Variants in CUTC observed in about 807,000 individuals in gnomAD.
CUTC encodes copper homeostasis protein cutC homolog.
In CUTC, 27 loss-of-function variants were observed where a neutral mutation model predicts 36.2. The ratio of observed to expected loss-of-function variants is 0.75; its 90% confidence interval spans 0.55 to 1.03. The LOEUF (loss-of-function observed/expected upper bound fraction) is 1.03. CUTC is among the 50% of genes least tolerant of loss of function. The pLI is 0.00. For synonymous variants in CUTC, 114 were observed against 118.3 expected (o/e 0.96, Z 0.24); for missense variants, 315 against 343.5 (o/e 0.92, Z 0.66).
At chr10:99,742,350 AG>A (rs1349376455) in intron 3 of CUTC, among the ~76,000 whole-genome samples, 2 of 152,134 alleles carry the variant, frequency 1.3e-5, no homozygotes, top group Non-Finnish European at 2.9e-5. Context: ...TAATGTAAAA[AG>A]TTTGTATACA....
Position 99,755,981 on chromosome 10 carries a change from TC to T in CUTC, c.*244del. On this transcript the variant is annotated 3_prime_UTR_variant, in exon 9 of 9. Transcript: ENST00000370476. ...ATGGTTAAAGCTGGTCTGTGCTTCT[TC>T]CATAGACAGAAGCTTAGTCTGTTTT... 1 of 398,280 alleles carries T rather than the reference TC, an allele frequency of 2.5e-6. No individual in the cohort carries two copies. The highest frequency in any genetic ancestry group is 4.5e-6 in the Non-Finnish European group (1 of 224,198). The allele number at this position is 398,280 out of a possible 1,614,324, so 24.7% of individuals were successfully genotyped here. A position where few individuals can be genotyped will look rare whatever the true frequency, so the allele number is the denominator to read the frequency against.
intron 1 of CUTC, 151 bp downstream of exon 1, chr10:99,732,560 G>A (rs1041499059): frequency 9.0e-6 from 13 of 1,451,096 alleles, no homozygotes; most frequent in African/African-American, 4.3e-5. Flanking sequence ...AGGCGTTAAA[G>A]GTGTGGAAAC....
chr10:99,732,698 C>A, intron 1 of CUTC: 2 of 1,213,532 alleles, frequency 1.6e-6, no homozygotes, highest in Non-Finnish European at 2.1e-6. Flanking sequence ...CACGTTTTTT[C>A]CGTCGCCACA....
At chr10:99,743,023 A>C (rs921879007) in intron 3 of CUTC, 130 bp from the exon 4 acceptor site, 5 of 763,014 alleles carry the variant, frequency 6.6e-6, no homozygotes, top group Non-Finnish European at 1.1e-5. Flanking sequence ...CTTACCTTCT[A>C]CCATATATAC....
intron 1 of CUTC, 61 bp downstream of exon 1, chr10:99,732,470 G>A (rs2037216754): frequency 3.9e-6 from 6 of 1,547,062 alleles, no homozygotes; most frequent in Non-Finnish European, 5.2e-6. Flanking sequence ...GGGCCGGCGG[G>A]AGTCGTAGTC....
At position 99,743,279 on chromosome 10, in the gene CUTC, A is replaced by G. The variant is rs2037353510; in HGVS notation, c.320A>G (p.Lys107Arg). ...ATGAAGGCTGACATTCGTCTTGCCA[A>G]GCTTTATGGTGCTGATGGTTTGGTT... ...EVMKADIRLA[K>R]LYGADGLVFG... Residue 107 changes from lysine to arginine, a missense_variant, in exon 4 of 9, where the codon AAG becomes AGG. Physicochemically the swap from Lys to Arg is conservative, Grantham distance 26. Coordinates refer to ENST00000370476, the MANE Select transcript of CUTC (RefSeq NM_015960.3). 1 of 1,614,174 alleles carries G rather than the reference A, an allele frequency of 6.2e-7. No individual in the cohort carries two copies. Among genetic ancestry groups the G allele is most frequent in the Non-Finnish European group, 8.5e-7 (1 of 1,180,026 alleles).
chr10:99,755,982 C>G lies in CUTC; in HGVS notation c.*243C>G, dbSNP rs1306478182. On this transcript the variant is annotated 3_prime_UTR_variant, in exon 9 of 9. Coordinates refer to ENST00000370476, the MANE Select transcript of CUTC (RefSeq NM_015960.3). ...TGGTTAAAGCTGGTCTGTGCTTCTTCCATAGACAGAAGCTTAGTCTGTTTT... is the reference window on the plus strand; with the variant it reads ...TGGTTAAAGCTGGTCTGTGCTTCTTGCATAGACAGAAGCTTAGTCTGTTTT... The G allele has an allele frequency of 1.3e-5, 5 of 395,286 alleles. No homozygotes were observed. The highest frequency in any genetic ancestry group is 1.0e-4 in the African/African-American group (5 of 48,590). 24.5% of individuals were successfully genotyped at this position (395,286 alleles called of 1,614,324 possible).
chr10:99,744,906 C>A (rs12411461), intron 5 of CUTC, among the ~76,000 whole-genome samples: 11 of 152,194 alleles, frequency 7.2e-5, no homozygotes, highest in African/African-American at 2.7e-4. Flanking sequence ...GCGCCTGCCA[C>A]CATGCCCAGC....
chr10:99,743,832 C>A (rs919923334), intron 4 of CUTC, among the ~76,000 whole-genome samples: 20 of 152,260 alleles, frequency 1.3e-4, no homozygotes, highest in African/African-American at 4.8e-4. Flanking sequence ...TGATAAGCCA[C>A]GACCATTTTT....
chr10:99,744,181 C>A (rs2037361735), intron 5 of CUTC, 109 bp downstream of exon 5: 4 of 842,562 alleles, frequency 4.7e-6, no homozygotes, highest in South Asian at 1.8e-5. Flanking sequence ...CCAAGGTTAC[C>A]AATTGGTTTT....
chr10:99,739,270 T>C (rs1167933586), intron 2 of CUTC, among the ~76,000 whole-genome samples: 1 of 152,198 alleles, frequency 6.6e-6, no homozygotes, highest in East Asian at 1.9e-4. Flanking sequence ...TTCAGCATTT[T>C]CTTATTCTTG....
intron 7 of CUTC, among the ~76,000 whole-genome samples, chr10:99,751,476 G>A (rs375036503): frequency 1.1e-4 from 17 of 152,200 alleles, no homozygotes; most frequent in African/African-American, 3.6e-4. Context: ...ACAGTTGCAC[G>A]CTGCCATGCC....
At chr10:99,732,477 A>G (rs2037217464) in intron 1 of CUTC, 68 bp downstream of exon 1, 1 of 1,545,914 alleles carries the variant, frequency 6.5e-7, no homozygotes, top group Non-Finnish European at 8.7e-7. Context: ...CGGGAGTCGT[A>G]GTCAGTGGTG....
At chr10:99,735,721 T>A (rs1564654870) in intron 1 of CUTC, among the ~76,000 whole-genome samples, 1 of 152,228 alleles carries the variant, frequency 6.6e-6, no homozygotes, top group African/African-American at 2.4e-5. Flanking sequence ...TAACTAATAC[T>A]TTTTGATTCT....
At chr10:99,748,647 C>A (rs2037396791) in intron 6 of CUTC, among the ~76,000 whole-genome samples, 1 of 152,096 alleles carries the variant, frequency 6.6e-6, no homozygotes, top group Non-Finnish European at 1.5e-5. Context: ...GAGGAATTAA[C>A]CCCAAATTTG....
rs2037360289 is a variant in CUTC, at chr10:99,744,039, A to G, written c.406A>G (p.Ile136Val). 1.2e-6 allele frequency: 2 copies of G among 1,612,058 alleles called. No individual in the cohort carries two copies. The highest frequency in any genetic ancestry group is 2.2e-5 in the East Asian group (1 of 44,860). The change falls in exon 5 of 9, where the codon ATT becomes GTT. Residue 136 changes from isoleucine to valine, a missense_variant and splice_region_variant. By Grantham distance (29) the Ile-to-Val change is conservative. Transcript: ENST00000370476. ...GTTATATGACTTTCTTTTTATAGCT[A>G]TTTGCCGCCCTCTGCCAGTCACTTT... is the stretch of plus-strand genomic sequence containing the variant. ...DKELCMSLMA[I>V]CRPLPVTFHR...
chr10:99,733,880 C>T (rs1485812333), intron 1 of CUTC, among the ~76,000 whole-genome samples: 1 of 152,110 alleles, frequency 6.6e-6, no homozygotes, highest in East Asian at 1.9e-4. Context: ...TCTCCATCTT[C>T]TCCTGCCTAG....
At chr10:99,743,436 A>G in intron 4 of CUTC, 74 bp downstream of exon 4, 1 of 1,380,716 alleles carries the variant, frequency 7.2e-7, no homozygotes, top group Non-Finnish European at 1.0e-6. Context: ...GAAAAACAAC[A>G]TCACAAAACT....
chr10:99,753,457 TATGGTGCA>T (rs2037433626), intron 7 of CUTC, among the ~76,000 whole-genome samples: 1 of 152,240 alleles, frequency 6.6e-6, no homozygotes, highest in Middle Eastern at 3.2e-3. Flanking sequence ...TCGCCCAGGC[TATGGTGCA>T]GTGGTGCAGT....
Sources: gnomAD v4.1 joint callset for allele counts (sites outside exome capture counted in the v4.1 genomes callset) on GRCh38, gnomAD v4.1.1 for gene constraint, MANE v1.5 for transcripts, NCBI Gene and HGNC (gene_info 2026-07-23, HGNC 2026-07-21) for gene names.